TAP1: variants seen among roughly 807,000 people sequenced by gnomAD.
The protein encoded by TAP1 is transporter 1, ATP binding cassette subfamily B member, also known as antigen peptide transporter 1.
TAP1 carries 56 observed loss-of-function variants against 79.3 expected under a neutral mutation model. The observed-to-expected ratio is 0.71, with a 90% confidence interval of 0.57 to 0.88. TAP1 has a LOEUF of 0.88. TAP1 is among the 40% of genes least tolerant of loss of function. TAP1 has a pLI of 0.00. For missense variants in TAP1, 737 were observed against 936.3 expected (o/e 0.79, Z 2.78); for synonymous variants, 355 against 401.4 (o/e 0.88, Z 1.38).
At position 32,848,719 on chromosome 6, in the gene TAP1, T is replaced by G; in HGVS notation, c.1499A>C (p.Glu500Ala). Residue 500 changes from glutamate (E) to alanine (A), a missense_variant, in exon 7 of 11, where the codon GAG (glutamate) becomes GCG (alanine). By Grantham distance (107) the Glu-to-Ala change is moderately radical. Around this residue, in one of 5 missense-constraint regions of TAP1, gnomAD observed 266 missense variants for 332.4 expected, o/e 0.80. Coordinates refer to ENST00000354258, the MANE Select transcript of TAP1 (RefSeq NM_000593.6). ...PSGLLTPLHL[E>A]GLVQFQDVSF... ...GACATCTTGGAACTGGACAAGGCCCTCCAAGTGTAAGGGAGTCAACAGACC... is the reference window on the plus strand; with the variant it reads ...GACATCTTGGAACTGGACAAGGCCCGCCAAGTGTAAGGGAGTCAACAGACC... 3.7e-6 allele frequency: 6 copies of G among 1,614,030 alleles called. No homozygotes were observed. The highest frequency in any genetic ancestry group is 5.1e-6 in the Non-Finnish European group (6 of 1,179,994).
chr6:32,849,312 T>C (rs1391162684), intron 5 of TAP1, 194 bp from the exon 6 acceptor site: 2 of 668,326 alleles, frequency 3.0e-6, no homozygotes, highest in African/African-American at 3.6e-5. Context: ...AAGTCACAGT[T>C]ATCTTCACCA....
In TAP1 at chr6:32,850,212, A is replaced by T; in HGVS notation, c.1248+108T>A. On this transcript the variant is annotated intron_variant, in intron 5 of 10. Coordinates refer to ENST00000354258, the MANE Select transcript of TAP1 (RefSeq NM_000593.6). The surrounding 1 kb of genome is among the most constrained non-coding windows in gnomAD (Gnocchi z 5.5). ...CAGGTTGCTAGGACGAAAATACTGA[A>T]CCAACCATTTCCCAGTAAAGGAGGA... 2 of 1,271,464 alleles carry T rather than the reference A, an allele frequency of 1.6e-6. No homozygotes were observed. Among genetic ancestry groups the T allele is most frequent in the Non-Finnish European group, 2.3e-6 (2 of 876,202 alleles). The allele number at this position is 1,271,464 out of a possible 1,614,324, so 78.8% of individuals were successfully genotyped here. A position where few individuals can be genotyped will look rare whatever the true frequency, so the allele number is the denominator to read the frequency against.
chr6:32,845,664 C>A lies in TAP1; in HGVS notation c.2162G>T (p.Arg721Leu). 1 of 1,613,082 alleles carries A rather than the reference C, an allele frequency of 6.2e-7. No homozygotes were observed. Among genetic ancestry groups the A allele is most frequent in the Non-Finnish European group, 8.5e-7 (1 of 1,180,024 alleles). ...HILFLEGGAI[R>L]EGGTHQQLME... ...GAGCTGCTGGTGGGTTCCCCCCTCC[C>A]GGATAGCGCCTCCTTCCAGAAAGAG... Residue 721 changes from arginine (R) to leucine (L), a missense_variant, in exon 11 of 11, where the codon CGG becomes CTG. This residue lies in a region of TAP1 where 266 missense variants were observed against 332.4 expected (regional missense o/e 0.80). Transcript: ENST00000354258. The surrounding 1 kb of genome is among the most constrained non-coding windows in gnomAD (Gnocchi z 4.5).
At chr6:32,848,463 T>G (rs1770583074) in intron 7 of TAP1, among the ~76,000 whole-genome samples, 189 bp downstream of exon 7, 1 of 152,228 alleles carries the variant, frequency 6.6e-6, no homozygotes, top group African/African-American at 2.4e-5. Context: ...CTTCTCTCAT[T>G]CTCTTTGGAA....
chr6:32,851,542 C>T lies in TAP1; in HGVS notation c.845-393G>A, dbSNP rs1368156724. On this transcript the variant is annotated intron_variant, in intron 3 of 10. Transcript: ENST00000354258. The surrounding 1 kb of genome is among the most constrained non-coding windows in gnomAD (Gnocchi z 4.8). Reference sequence around the variant, plus strand: ...AAAGTCTGTGGAGCACTCACTGGGACTAGGGTTCTAACCCCAGGTCTATCT... The same window carrying T: ...AAAGTCTGTGGAGCACTCACTGGGATTAGGGTTCTAACCCCAGGTCTATCT... Among the ~76,000 whole-genome samples the T allele has an allele frequency of 6.6e-6, 1 of 152,134 alleles. No homozygotes were observed. The highest frequency in any genetic ancestry group is 1.5e-5 in the Non-Finnish European group (1 of 68,016).
chr6:32,852,119 C>T lies in TAP1; in HGVS notation c.834G>A (p.Gln278=). ...VLRQETEFFQ[Q]NQTGNIMSRV... The stretch of plus-strand genomic sequence containing the variant: ...AGTTTCAGGAGAAACCTGTCTGGTT[C>T]TGTTGGAAAAACTCCGTCTCCTGGC... Residue 278 remains glutamine, a synonymous_variant, in exon 3 of 11, where the codon CAG becomes CAA. Transcript: ENST00000354258. This position sits in a 1 kb window ranked among gnomAD's most constrained non-coding sequence, Gnocchi z 4.8. The T allele has an allele frequency of 6.2e-7, 1 of 1,613,022 alleles. No individual in the cohort carries two copies. The highest frequency in any genetic ancestry group is 1.1e-5 in the South Asian group (1 of 91,080).
At chr6:32,846,232 A>T (rs888910923) in intron 10 of TAP1, 3 of 213,626 alleles carry the variant, frequency 1.4e-5, no homozygotes, top group Non-Finnish European at 2.9e-5. Flanking sequence ...CCATTTTGTC[A>T]TCTGTAGAAT....
In TAP1 at chr6:32,847,277, C is replaced by A; in HGVS notation, c.1904-73G>T. 1 of 1,597,882 alleles carries A rather than the reference C, an allele frequency of 6.3e-7. No individual in the cohort carries two copies. The highest frequency in any genetic ancestry group is 1.1e-5 in the South Asian group (1 of 90,300). Reference sequence around the variant, plus strand: ...ACGCATGTACATGCACACAGACACACTCATGCATTCACGCACTCACACACA... The same window carrying A: ...ACGCATGTACATGCACACAGACACAATCATGCATTCACGCACTCACACACA... On this transcript the variant is annotated intron_variant, in intron 9 of 10. Coordinates refer to ENST00000354258, the MANE Select transcript of TAP1 (RefSeq NM_000593.6). The surrounding 1 kb of genome is among the most constrained non-coding windows in gnomAD (Gnocchi z 4.7).
chr6:32,848,149 G>A, intron 7 of TAP1, 57 bp from the exon 8 acceptor site: 4 of 1,547,266 alleles, frequency 2.6e-6, no homozygotes, highest in African/African-American at 2.7e-5. Context: ...CCTTGAGAGT[G>A]TCATTGCCTT....
In TAP1 at chr6:32,851,994, G is replaced by T; in HGVS notation, c.844+115C>A. On this transcript the variant is annotated intron_variant, in intron 3 of 10. Transcript: ENST00000354258. The surrounding 1 kb of genome is among the most constrained non-coding windows in gnomAD (Gnocchi z 4.8). ...GAGAGGGTATATCAAGAATGAGAAG[G>T]AACAATGTGTGTATGTGTGTGTGAG... 1 of 1,407,926 alleles carries T rather than the reference G, an allele frequency of 7.1e-7. No individual in the cohort carries two copies. Among genetic ancestry groups the T allele is most frequent in the Non-Finnish European group, 9.9e-7 (1 of 1,008,878 alleles). The allele number at this position is 1,407,926 out of a possible 1,614,324, so 87.2% of individuals were successfully genotyped here.
Position 32,848,054 on chromosome 6 carries a change from C to T in TAP1, c.1605G>A (p.Ala535=), listed in dbSNP as rs112476898. ...TFTLRPGEVT[A]LVGPNGSGKS... Reference sequence around the variant, plus strand: ...TCCCAGACCCATTGGGTCCCACCAGCGCCGTCACCTCGCCAGGGCGTAGGG... The same window carrying T: ...TCCCAGACCCATTGGGTCCCACCAGTGCCGTCACCTCGCCAGGGCGTAGGG... The change falls in exon 8 of 11, where the codon GCG becomes GCA. Residue 535 remains alanine, a synonymous_variant. Transcript: ENST00000354258. 5.0e-6 allele frequency: 8 copies of T among 1,612,824 alleles called. No individual in the cohort carries two copies. Among genetic ancestry groups the T allele is most frequent in the African/African-American group, 2.7e-5 (2 of 75,048 alleles).
At position 32,850,223 on chromosome 6, in the gene TAP1, C is replaced by T; in HGVS notation, c.1248+97G>A. 7.4e-7 allele frequency: 1 copy of T among 1,352,156 alleles called. No homozygotes were observed. Among genetic ancestry groups the T allele is most frequent in the Non-Finnish European group, 1.1e-6 (1 of 945,828 alleles). 83.8% of individuals were successfully genotyped at this position (1,352,156 alleles called of 1,614,324 possible). On this transcript the variant is annotated intron_variant, in intron 5 of 10. Transcript: ENST00000354258. The surrounding 1 kb of genome is among the most constrained non-coding windows in gnomAD (Gnocchi z 5.5). ...GACGAAAATACTGAACCAACCATTT[C>T]CCAGTAAAGGAGGAGTGGGAGCAGG...
rs1432364804 is a variant in TAP1 at position 32,852,993 on chromosome 6, T to C, written c.598+46A>G. 2 of 1,568,350 alleles carry C rather than the reference T, an allele frequency of 1.3e-6. No homozygotes were observed. The highest frequency in any genetic ancestry group is 1.3e-5 in the African/African-American group (1 of 74,252). ...TACTGACAATTACCTTTGATTCCTG[T>C]CCCAGTCCCCTTGTGTCCTCCCCTC... On this transcript the variant is annotated intron_variant, in intron 1 of 10. Coordinates refer to ENST00000354258, the MANE Select transcript of TAP1 (RefSeq NM_000593.6). The surrounding 1 kb of genome is among the most constrained non-coding windows in gnomAD (Gnocchi z 4.8).
chr6:32,846,923 G>A, intron 10 of TAP1, 145 bp downstream of exon 10: 1 of 1,189,128 alleles, frequency 8.4e-7, no homozygotes. Context: ...CTACTCCTTG[G>A]GGAGGCATCC....
rs1460186220 is a variant in TAP1 at position 32,853,446 on chromosome 6, C to A, written c.191G>T (p.Arg64Leu). 6.2e-7 allele frequency: 1 copy of A among 1,611,734 alleles called. No homozygotes were observed. The highest frequency in any genetic ancestry group is 8.5e-7 in the Non-Finnish European group (1 of 1,179,438). Residue 64 changes from arginine to leucine, a missense_variant, in exon 1 of 11, where the codon CGC becomes CTC. Physicochemically the swap from Arg to Leu is moderately radical, Grantham distance 102. Transcript: ENST00000354258. The surrounding 1 kb of genome is among the most constrained non-coding windows in gnomAD (Gnocchi z 8.3). ...GGCCCCCAGCCAGAGCACGGCCCAG[C>A]GGCTCAGGCCCACCGCCCAGACCCG... Reference protein sequence around the residue: ...LLRVWAVGLSRWAVLWLGACG... With the variant: ...LLRVWAVGLSLWAVLWLGACG...
Position 32,853,002 on chromosome 6 carries a change from C to T in TAP1, c.598+37G>A, listed in dbSNP as rs774555371. The T allele has an allele frequency of 1.3e-6, 2 of 1,587,924 alleles. No homozygotes were observed. Among genetic ancestry groups the T allele is most frequent in the East Asian group, 4.5e-5 (2 of 44,240 alleles). ...TTACCTTTGATTCCTGTCCCAGTCC[C>T]CTTGTGTCCTCCCCTCTTGCCCTGC... is the stretch of plus-strand genomic sequence containing the variant. On this transcript the variant is annotated intron_variant, in intron 1 of 10. Coordinates refer to ENST00000354258, the MANE Select transcript of TAP1 (RefSeq NM_000593.6). This position sits in a 1 kb window ranked among gnomAD's most constrained non-coding sequence, Gnocchi z 8.3.
Position 32,850,843 on chromosome 6 carries a change from G to T in TAP1, c.1050+101C>A. The T allele has an allele frequency of 9.0e-7, 1 of 1,113,596 alleles. No homozygotes were observed. The highest frequency in any genetic ancestry group is 1.4e-6 in the Non-Finnish European group (1 of 727,456). The allele number at this position is 1,113,596 out of a possible 1,614,324, so 69.0% of individuals were successfully genotyped here. On this transcript the variant is annotated intron_variant, in intron 4 of 10. Coordinates refer to ENST00000354258, the MANE Select transcript of TAP1 (RefSeq NM_000593.6). This position sits in a 1 kb window ranked among gnomAD's most constrained non-coding sequence, Gnocchi z 5.5. ...TCCATGAAGATGGAGAATCAGTAAGGGTGCCAGGAAAGCTGGACTGAAAGC... is the reference window on the plus strand; with the variant it reads ...TCCATGAAGATGGAGAATCAGTAAGTGTGCCAGGAAAGCTGGACTGAAAGC...
In TAP1 at chr6:32,847,267, C is replaced by T; in HGVS notation, c.1904-63G>A. The T allele has an allele frequency of 1.9e-6, 3 of 1,603,476 alleles. No individual in the cohort carries two copies. The highest frequency in any genetic ancestry group is 2.5e-6 in the Non-Finnish European group (3 of 1,177,256). ...ACATGTGTGCACGCATGTACATGCA[C>T]ACAGACACACTCATGCATTCACGCA... On this transcript the variant is annotated intron_variant, in intron 9 of 10. Transcript: ENST00000354258. This position sits in a 1 kb window ranked among gnomAD's most constrained non-coding sequence, Gnocchi z 4.7.
chr6:32,850,358 C>A lies in TAP1; in HGVS notation c.1210G>T (p.Glu404Ter), dbSNP rs1300434701. The A allele has an allele frequency of 6.2e-7, 1 of 1,614,252 alleles. No homozygotes were observed. Among genetic ancestry groups the A allele is most frequent in the African/African-American group, 1.3e-5 (1 of 75,064 alleles). The change falls in exon 5 of 11, where the codon GAG becomes TAG. Residue 404 changes from glutamate (E) to a stop codon, truncating the protein, a stop_gained. Transcript: ENST00000354258. LOFTEE classifies it high-confidence loss of function. This position sits in a 1 kb window ranked among gnomAD's most constrained non-coding sequence, Gnocchi z 5.5. Reference protein sequence around the residue: ...LQEIKTLNQKEAVAYAVNSWT... With the variant: ...LQEIKTLNQK ...GAGTTGACTGCATAGGCCACAGCCT[C>A]CTTCTGGTTGAGTGTCTTTATTTCT...
Sources: gnomAD v4.1 joint callset for allele counts (sites outside exome capture counted in the v4.1 genomes callset) on GRCh38, gnomAD v4.1.1 for gene constraint, gnomAD v4.1.1 regional missense constraint, Gnocchi (gnomAD v3.1) non-coding constraint, MANE v1.5 for transcripts, NCBI Gene and HGNC (gene_info 2026-07-23, HGNC 2026-07-21) for gene names.